The following GRIN2B variants were observed in gnomAD, a reference collection of about 807,000 sequenced individuals.
GRIN2B encodes glutamate receptor ionotropic, NMDA 2B.
In GRIN2B, 5 loss-of-function variants were observed where a neutral mutation model predicts 114.5. The observed-to-expected ratio is 0.04, with a 90% CI of 0.02 to 0.09. The LOEUF (loss-of-function observed/expected upper bound fraction) is 0.09, where lower values mean the gene tolerates loss of function less well. GRIN2B is among the 10% of genes least tolerant of loss of function. The pLI, the probability that GRIN2B is intolerant of heterozygous loss-of-function variation, is 1.00. For missense variants in GRIN2B, 1,108 were observed against 1,943.5 expected (o/e 0.57, Z 8.08); for synonymous variants, 787 against 745.1 (o/e 1.06, Z -0.92).
intron 3 of GRIN2B, among the ~76,000 whole-genome samples, chr12:13,782,322 T>A (rs1281450679): frequency 6.6e-6 from 1 of 151,854 alleles, no homozygotes; most frequent in East Asian, 1.9e-4. Context: ...CCCCGCTCCC[T>A]CTCTCTTTAT....
chr12:13,668,695 C>T (rs1424924746), intron 5 of GRIN2B, among the ~76,000 whole-genome samples: 2 of 152,012 alleles, frequency 1.3e-5, no homozygotes, highest in African/African-American at 4.8e-5. Context: ...TACTAATGAA[C>T]ATCAACCCAA....
At chr12:13,938,276 A>G (rs1867164293) in intron 2 of GRIN2B, among the ~76,000 whole-genome samples, 1 of 152,092 alleles carries the variant, frequency 6.6e-6, no homozygotes. Flanking sequence ...AAGGGCAGAG[A>G]TTGTCATGCT....
chr12:13,900,391 C>G (rs1866425585), intron 2 of GRIN2B, among the ~76,000 whole-genome samples: 2 of 151,944 alleles, frequency 1.3e-5, no homozygotes, highest in Non-Finnish European at 2.9e-5. Context: ...AGGAGAATCA[C>G]TTGAACCCAG....
At chr12:13,801,034 T>A in intron 3 of GRIN2B, among the ~76,000 whole-genome samples, 1 of 152,158 alleles carries the variant, frequency 6.6e-6, no homozygotes, top group Non-Finnish European at 1.5e-5. Context: ...TGTTTCTGGT[T>A]GAATGCCTAA....
At chr12:13,911,797 C>A (rs1866631252) in intron 2 of GRIN2B, among the ~76,000 whole-genome samples, 1 of 152,172 alleles carries the variant, frequency 6.6e-6, no homozygotes, top group Non-Finnish European at 1.5e-5. Flanking sequence ...CAAATACCTG[C>A]TCACTTCGGT....
chr12:13,567,427 A>G (rs928526010), intron 12 of GRIN2B, among the ~76,000 whole-genome samples, 164 bp from the exon 13 acceptor site: 5 of 152,264 alleles, frequency 3.3e-5, no homozygotes, highest in Admixed American at 6.5e-5. Flanking sequence ...CAGTAATCTT[A>G]TTAATGCCAT....
At chr12:13,695,100 A>C (rs538172621) in intron 4 of GRIN2B, among the ~76,000 whole-genome samples, 1 of 152,254 alleles carries the variant, frequency 6.6e-6, no homozygotes, top group African/African-American at 2.4e-5. Flanking sequence ...ACATTGTCCC[A>C]CTCAATTCAC....
intron 10 of GRIN2B, among the ~76,000 whole-genome samples, chr12:13,605,423 G>A (rs1949227444): frequency 6.6e-6 from 1 of 151,994 alleles, no homozygotes; most frequent in Admixed American, 6.6e-5. Flanking sequence ...ATGAACAGTT[G>A]TGGATACCCA....
At chr12:13,570,314 A>G (rs987823053) in intron 11 of GRIN2B, among the ~76,000 whole-genome samples, 2 of 152,254 alleles carry the variant, frequency 1.3e-5, no homozygotes, top group Non-Finnish European at 2.9e-5. Context: ...AAAGGGATCA[A>G]TAAAAATAAT....
chr12:13,736,022 C>T (rs1863174052), intron 4 of GRIN2B, among the ~76,000 whole-genome samples: 1 of 151,838 alleles, frequency 6.6e-6, no homozygotes, highest in Non-Finnish European at 1.5e-5. Flanking sequence ...GAATGCTGGG[C>T]TTGCTTGCTT....
chr12:13,813,040 A>G (rs1234207624), intron 3 of GRIN2B, among the ~76,000 whole-genome samples: 2 of 150,660 alleles, frequency 1.3e-5, no homozygotes, highest in Non-Finnish European at 2.9e-5. Flanking sequence ...CCCGGGTTCA[A>G]GCAATTCTTC....
At chr12:13,845,762 G>A (rs1241923406) in intron 3 of GRIN2B, among the ~76,000 whole-genome samples, 1 of 152,178 alleles carries the variant, frequency 6.6e-6, no homozygotes, top group Non-Finnish European at 1.5e-5. Flanking sequence ...GAGTGGGGAT[G>A]AAAATAGAGT....
chr12:13,602,243 C>T (rs986260072), intron 10 of GRIN2B, among the ~76,000 whole-genome samples: 4 of 152,198 alleles, frequency 2.6e-5, no homozygotes, highest in Non-Finnish European at 5.9e-5. Context: ...AGAATAGTTG[C>T]CTGACAGGCC....
At chr12:13,886,055 G>A (rs1866151870) in intron 2 of GRIN2B, among the ~76,000 whole-genome samples, 1 of 152,072 alleles carries the variant, frequency 6.6e-6, no homozygotes, top group African/African-American at 2.4e-5. Context: ...GTGCAAAAAA[G>A]CCAATTGTCC....
At position 13,615,641 on chromosome 12, in the gene GRIN2B, C is replaced by G; in HGVS notation, c.1352G>C (p.Gly451Ala). 6.2e-7 allele frequency: 1 copy of G among 1,613,450 alleles called. No individual in the cohort carries two copies. Among genetic ancestry groups the G allele is most frequent in the South Asian group, 1.1e-5 (1 of 91,062 alleles). ...VTENKTDEEP[G>A]YIKKCCKGFC... Reference sequence around the variant, plus strand: ...CCCCTTGCAGCATTTTTTGATGTAACCCGGCTCCTCGTCTGTTTTATTCCT... The same window carrying G: ...CCCCTTGCAGCATTTTTTGATGTAAGCCGGCTCCTCGTCTGTTTTATTCCT... The change falls in exon 7 of 14, where the codon GGT becomes GCT. Residue 451 changes from glycine (G) to alanine (A), a missense_variant. By Grantham distance (60) the Gly-to-Ala change is moderately conservative. This residue lies in a region of GRIN2B where 26 missense variants were observed against 23.5 expected (regional missense o/e 1.11). Coordinates refer to ENST00000609686, the MANE Select transcript of GRIN2B (RefSeq NM_000834.5). The surrounding 1 kb of genome is among the most constrained non-coding windows in gnomAD (Gnocchi z 5.8).
At chr12:13,716,770 T>C (rs1193171617) in intron 4 of GRIN2B, among the ~76,000 whole-genome samples, 1 of 151,922 alleles carries the variant, frequency 6.6e-6, no homozygotes, top group African/African-American at 2.4e-5. Flanking sequence ...TGCCAAATGT[T>C]CCTATCATTC....
intron 10 of GRIN2B, among the ~76,000 whole-genome samples, chr12:13,587,350 T>C (rs1948942569): frequency 6.6e-6 from 1 of 151,374 alleles, no homozygotes; most frequent in Admixed American, 6.6e-5. Context: ...ATTTCTTTTT[T>C]TTTTTTTTGT....
chr12:13,647,948 C>A (rs759742976), intron 5 of GRIN2B, among the ~76,000 whole-genome samples: 1 of 152,042 alleles, frequency 6.6e-6, no homozygotes, highest in African/African-American at 2.4e-5. Flanking sequence ...TTGAGCTTGA[C>A]GAGTCAGAGA....
intron 5 of GRIN2B, among the ~76,000 whole-genome samples, chr12:13,623,040 C>T (rs1949532857): frequency 6.6e-6 from 1 of 152,206 alleles, no homozygotes; most frequent in South Asian, 2.1e-4. Context: ...AATACATCTA[C>T]ATATATACAA....
Sources: allele counts gnomAD v4.1 joint callset (sites outside exome capture counted in the v4.1 genomes callset), GRCh38; gene constraint gnomAD v4.1.1; regional missense constraint gnomAD v4.1.1; non-coding constraint Gnocchi (gnomAD v3.1); transcripts MANE v1.5; gene names NCBI Gene and HGNC (gene_info 2026-07-23, HGNC 2026-07-21).